PPP1R8: variants seen among roughly 807,000 people sequenced by gnomAD.
PPP1R8 encodes nuclear inhibitor of protein phosphatase 1.
In PPP1R8, 4 loss-of-function variants were observed where a neutral mutation model predicts 31.3. The ratio of observed to expected loss-of-function variants is 0.13; its 90% CI spans 0.06 to 0.29. PPP1R8 has a LOEUF of 0.29. PPP1R8 is among the 10% of genes least tolerant of loss of function. PPP1R8 has a pLI of 1.00. For synonymous variants in PPP1R8, 170 were observed against 169.7 expected (o/e 1.00, Z -0.01); for missense variants, 254 against 440.1 (o/e 0.58, Z 3.78).
At chr1:27,841,748 A>G (rs1438681600) in intron 4 of PPP1R8, among the ~76,000 whole-genome samples, 1 of 152,164 alleles carries the variant, frequency 6.6e-6, no homozygotes, top group African/African-American at 2.4e-5. Context: ...TGCTATCTGA[A>G]CAGTCCAGGA....
chr1:27,841,407 A>C (rs748198564), intron 4 of PPP1R8, among the ~76,000 whole-genome samples, 173 bp downstream of exon 4: 2 of 152,146 alleles, frequency 1.3e-5, no homozygotes, highest in African/African-American at 2.4e-5. Context: ...TCGGAGAGCC[A>C]CATTGTATGG....
At chr1:27,839,345 T>C (rs1330604475) in intron 3 of PPP1R8, among the ~76,000 whole-genome samples, 2 of 152,020 alleles carry the variant, frequency 1.3e-5, no homozygotes, top group Non-Finnish European at 2.9e-5. Context: ...CTGGCCAATA[T>C]GGTGAAACCT....
intron 5 of PPP1R8, among the ~76,000 whole-genome samples, 172 bp downstream of exon 5, chr1:27,843,502 A>T (rs1370139574): frequency 6.6e-6 from 1 of 152,164 alleles, no homozygotes; most frequent in Non-Finnish European, 1.5e-5. Flanking sequence ...ATTAAAAAAA[A>T]TACAAAAATT....
At chr1:27,849,947 G>A (rs1233766051) in intron 6 of PPP1R8, 146 bp from the exon 7 acceptor site, 8 of 698,386 alleles carry the variant, frequency 1.1e-5, no homozygotes, top group Non-Finnish European at 1.7e-5. Context: ...GAAATAGGTT[G>A]TCTGGAAAGG....
rs1327948472 is a variant in PPP1R8 at position 27,830,822 on chromosome 1, G to T, written c.-14G>T. ...CGTGCTTAGGGCGCGCCAAATGGGA[G>T]GGGGAGACGCAAGATGGCGGCAGCC... On this transcript the variant is annotated 5_prime_UTR_variant, in exon 1 of 7. In the 5' UTR this introduces an upstream ATG that the reference lacks. Transcript: ENST00000311772. The T allele has an allele frequency of 1.3e-6, 2 of 1,572,874 alleles. No individual in the cohort carries two copies. Among genetic ancestry groups the T allele is most frequent in the East Asian group, 2.4e-5 (1 of 42,476 alleles).
At chr1:27,834,263 T>A (rs903229674) in intron 2 of PPP1R8, 1 of 351,698 alleles carries the variant, frequency 2.8e-6, no homozygotes, top group African/African-American at 2.1e-5. Flanking sequence ...TTGGTGTCTA[T>A]TAGCTGATAA....
chr1:27,835,764 C>T (rs2089158632), intron 2 of PPP1R8, among the ~76,000 whole-genome samples: 1 of 152,208 alleles, frequency 6.6e-6, no homozygotes, highest in Non-Finnish European at 1.5e-5. Context: ...TGAAGCCAGA[C>T]AAATCTGAAT....
chr1:27,847,101 C>T lies in PPP1R8; in HGVS notation c.702+9C>T. 5.6e-6 allele frequency: 9 copies of T among 1,612,522 alleles called. No homozygotes were observed. The highest frequency in any genetic ancestry group is 7.6e-6 in the Non-Finnish European group (9 of 1,178,590). ...CAGTGGTCCCAGTCAAGGTAGGAAG[C>T]ACATGAAATGCCATACAGTCTGTGT... On this transcript the variant is annotated intron_variant, in intron 6 of 6. Transcript: ENST00000311772.
At chr1:27,840,348 G>A (rs570106281) in intron 3 of PPP1R8, among the ~76,000 whole-genome samples, 1 of 152,244 alleles carries the variant, frequency 6.6e-6, no homozygotes, top group East Asian at 1.9e-4. Context: ...TAAGGGTCTT[G>A]GAGAGCTTTG....
At position 27,843,385 on chromosome 1, in the gene PPP1R8, G is replaced by T. The variant is rs142906392; in HGVS notation, c.637+55G>T. On this transcript the variant is annotated intron_variant, in intron 5 of 6. Coordinates refer to ENST00000311772, the MANE Select transcript of PPP1R8 (RefSeq NM_014110.5). ...AAAAAGCTGTGGTTGGCCCGGGCGC[G>T]GTGGCTCACGCCTGTAGTCCTAGCA... 3,219 of 1,609,076 alleles carry T rather than the reference G, an allele frequency of 2.0e-3. 9 individuals carry two copies. The highest frequency in any genetic ancestry group is 0.01 in the Middle Eastern group (60 of 5,754).
intron 3 of PPP1R8, among the ~76,000 whole-genome samples, chr1:27,840,530 C>T (rs1249812185): frequency 6.6e-6 from 1 of 152,168 alleles, no homozygotes; most frequent in Non-Finnish European, 1.5e-5. Flanking sequence ...TGCCACCAGG[C>T]CAGCAATTTC....
At chr1:27,835,085 T>C (rs1035364703) in intron 2 of PPP1R8, among the ~76,000 whole-genome samples, 1 of 152,126 alleles carries the variant, frequency 6.6e-6, no homozygotes, top group Non-Finnish European at 1.5e-5. Context: ...TGTGTACATT[T>C]AATTTGGAGG....
intron 2 of PPP1R8, among the ~76,000 whole-genome samples, chr1:27,834,728 A>G (rs1207316241): frequency 1.3e-5 from 2 of 152,058 alleles, no homozygotes; most frequent in Admixed American, 1.3e-4. Context: ...AATTCCATAC[A>G]TTTTGGCCAG....
intron 1 of PPP1R8, chr1:27,831,245 C>T: frequency 9.7e-7 from 1 of 1,034,188 alleles, no homozygotes; most frequent in Non-Finnish European, 1.2e-6. Flanking sequence ...TGGCCCCTTC[C>T]TGTACGTCCC....
At chr1:27,840,830 C>T (rs2089215582) in intron 3 of PPP1R8, among the ~76,000 whole-genome samples, 184 bp from the exon 4 acceptor site, 1 of 152,046 alleles carries the variant, frequency 6.6e-6, no homozygotes, top group Non-Finnish European at 1.5e-5. Flanking sequence ...TTTTAAAAAG[C>T]TGGAGTTTCT....
chr1:27,834,846 C>G (rs1407968447), intron 2 of PPP1R8, among the ~76,000 whole-genome samples: 1 of 152,060 alleles, frequency 6.6e-6, no homozygotes, highest in Non-Finnish European at 1.5e-5. Flanking sequence ...GGCAAAACCC[C>G]GTCTCTACTA....
chr1:27,840,626 G>A (rs1234841866), intron 3 of PPP1R8, among the ~76,000 whole-genome samples: 3 of 152,082 alleles, frequency 2.0e-5, no homozygotes, highest in Non-Finnish European at 4.4e-5. Flanking sequence ...TGCTGGGTTG[G>A]AGCCATTCTT....
intron 5 of PPP1R8, among the ~76,000 whole-genome samples, chr1:27,846,470 T>C (rs1377355435): frequency 1.3e-5 from 2 of 152,270 alleles, no homozygotes; most frequent in African/African-American, 4.8e-5. Flanking sequence ...CTTGCTTATA[T>C]ACAGTTCAGG....
chr1:27,849,371 CAAAA>C (rs544902286), intron 6 of PPP1R8, among the ~76,000 whole-genome samples: 2 of 77,448 alleles, frequency 2.6e-5, no homozygotes, highest in African/African-American at 3.8e-5. Flanking sequence ...AACTCTGTCT[CAAAA>C]AAAAAAAAAA....
Sources: allele counts gnomAD v4.1 joint callset (sites outside exome capture counted in the v4.1 genomes callset), GRCh38; gene constraint gnomAD v4.1.1; transcripts MANE v1.5; gene names NCBI Gene and HGNC (gene_info 2026-07-23, HGNC 2026-07-21).